TICAM2: variants seen among roughly 807,000 people sequenced by gnomAD.
TICAM2 encodes TIR domain-containing adapter molecule 2.
In TICAM2, 8 loss-of-function variants were observed where a neutral mutation model predicts 7.3. The ratio of observed to expected loss-of-function variants is 1.10; its 90% CI spans 0.65 to 1.99. The LOEUF (loss-of-function observed/expected upper bound fraction) is 1.99. Ranked by LOEUF, TICAM2 falls within the 30% of genes most tolerant of loss-of-function variation. The pLI is 0.00. For synonymous variants in TICAM2, 113 were observed against 99.6 expected (o/e 1.13, Z -0.80); for missense variants, 304 against 278.8 (o/e 1.09, Z -0.65).
chr5:115,579,746 T>G lies in TICAM2; in HGVS notation c.*803A>C, dbSNP rs1357161229. On this transcript the variant is annotated 3_prime_UTR_variant, in exon 2 of 2. Transcript: ENST00000427199. ...GTGACGGAAACTTTTAAAGCTTCCATAAGAGAGGTTTTTGATTTAAAAAGT... is the reference window on the plus strand; with the variant it reads ...GTGACGGAAACTTTTAAAGCTTCCAGAAGAGAGGTTTTTGATTTAAAAAGT... The G allele has an allele frequency of 6.6e-6, 1 of 152,162 alleles. No individual in the cohort carries two copies. Among genetic ancestry groups the G allele is most frequent in the Non-Finnish European group, 1.5e-5 (1 of 68,024 alleles). 9.4% of individuals were successfully genotyped at this position (152,162 alleles called of 1,614,324 possible). A position where few individuals can be genotyped will look rare whatever the true frequency, so the allele number is the denominator to read the frequency against.
chr5:115,598,629 T>A (rs1179930803), intron 1 of TICAM2, among the ~76,000 whole-genome samples: 1 of 152,208 alleles, frequency 6.6e-6, no homozygotes, highest in Admixed American at 6.5e-5. Flanking sequence ...ATAACTTCAC[T>A]CCTAGTTTCT....
At chr5:115,590,596 C>T (rs1240398260) in intron 1 of TICAM2, among the ~76,000 whole-genome samples, 2 of 152,182 alleles carry the variant, frequency 1.3e-5, no homozygotes, top group Non-Finnish European at 2.9e-5. Flanking sequence ...ATTACCCATC[C>T]ATATCCTATC....
At chr5:115,587,248 C>T (rs1403788607) in intron 1 of TICAM2, among the ~76,000 whole-genome samples, 5 of 152,076 alleles carry the variant, frequency 3.3e-5, no homozygotes, top group African/African-American at 1.2e-4. Flanking sequence ...GTGTTAAATG[C>T]GAGTGATCTG....
At chr5:115,597,917 G>A (rs1389722572) in intron 1 of TICAM2, among the ~76,000 whole-genome samples, 1 of 152,088 alleles carries the variant, frequency 6.6e-6, no homozygotes, top group Non-Finnish European at 1.5e-5. Context: ...TGGGCCAAGT[G>A]AATACCAAAA....
intron 1 of TICAM2, among the ~76,000 whole-genome samples, chr5:115,597,474 A>G (rs1755553268): frequency 6.6e-6 from 1 of 152,226 alleles, no homozygotes. Flanking sequence ...TATTCATATG[A>G]TCGAATCCTA....
intron 1 of TICAM2, among the ~76,000 whole-genome samples, chr5:115,599,555 T>C (rs558485074): frequency 1.2e-4 from 19 of 152,340 alleles, no homozygotes; most frequent in South Asian, 4.1e-4. Context: ...ATAAGCTTCA[T>C]GGAATACTAG....
chr5:115,580,416 T>G lies in TICAM2; in HGVS notation c.*133A>C, dbSNP rs1754874191. On this transcript the variant is annotated 3_prime_UTR_variant, in exon 2 of 2. Coordinates refer to ENST00000427199, the MANE Select transcript of TICAM2 (RefSeq NM_021649.7). ...AGGCTGTCCTGCAGAAATTTATCTT[T>G]CTTGTGCTCCATAGGTTTCTTTAAG... The G allele has an allele frequency of 8.5e-7, 1 of 1,171,330 alleles. No homozygotes were observed. The highest frequency in any genetic ancestry group is 3.1e-5 in the East Asian group (1 of 32,696). The allele number at this position is 1,171,330 out of a possible 1,614,324, so 72.6% of individuals were successfully genotyped here.
intron 1 of TICAM2, among the ~76,000 whole-genome samples, chr5:115,591,625 T>C (rs59214011): frequency 0.028 from 4,212 of 151,898 alleles, 72 homozygotes; most frequent in South Asian, 0.038. Context: ...AATATAATAG[T>C]TGAAATTAAG....
rs145323718 is a variant in TICAM2, at chr5:115,591,638, T to C, written c.-59-10323A>G. 5.9e-5 allele frequency among the ~76,000 whole-genome samples: 9 copies of C among 152,098 alleles called. No individual in the cohort carries two copies. The South Asian group carries it at 8.3e-4, about 14-fold the overall frequency. On this transcript the variant is annotated intron_variant, in intron 1 of 1. Transcript: ENST00000427199. Reference sequence around the variant, plus strand: ...AAAATATAATAGTTGAAATTAAGAATTGAATGGATGGATTTATCATTAGAT... The same window carrying C: ...AAAATATAATAGTTGAAATTAAGAACTGAATGGATGGATTTATCATTAGAT...
Position 115,581,092 on chromosome 5 carries a change from T to G in TICAM2, c.165A>C (p.Pro55=). ...VAEHSNTTEG[P]TGKQEGAQSV... ...TCTGAGCTCCCTCCTGCTTTCCTGT[T>G]GGCCCCTCTGTTGTATTGCTGTGCT... The change falls in exon 2 of 2, where the codon CCA becomes CCC. Residue 55 remains proline (P), a synonymous_variant. Coordinates refer to ENST00000427199, the MANE Select transcript of TICAM2 (RefSeq NM_021649.7). 1 of 1,614,168 alleles carries G rather than the reference T, an allele frequency of 6.2e-7. No homozygotes were observed. Among genetic ancestry groups the G allele is most frequent in the Non-Finnish European group, 8.5e-7 (1 of 1,180,036 alleles).
At chr5:115,596,076 G>A (rs1755499196) in intron 1 of TICAM2, among the ~76,000 whole-genome samples, 1 of 151,892 alleles carries the variant, frequency 6.6e-6, no homozygotes, top group African/African-American at 2.4e-5. Context: ...CAAAACCTGG[G>A]GTATCCTTGA....
At chr5:115,594,035 A>G (rs1042629406) in intron 1 of TICAM2, among the ~76,000 whole-genome samples, 4 of 152,214 alleles carry the variant, frequency 2.6e-5, no homozygotes, top group African/African-American at 7.2e-5. Flanking sequence ...TTATTACTAT[A>G]TAAAAACAAT....
chr5:115,595,649 T>C (rs944710409), intron 1 of TICAM2, among the ~76,000 whole-genome samples: 2 of 152,220 alleles, frequency 1.3e-5, no homozygotes, highest in Admixed American at 6.5e-5. Flanking sequence ...AAAAACTCTA[T>C]CTTATTAGAA....
At chr5:115,597,360 T>C (rs888350521) in intron 1 of TICAM2, among the ~76,000 whole-genome samples, 3 of 152,226 alleles carry the variant, frequency 2.0e-5, no homozygotes, top group Non-Finnish European at 2.9e-5. Context: ...TATATTTTAT[T>C]ATCATAAGAG....
intron 1 of TICAM2, among the ~76,000 whole-genome samples, chr5:115,595,733 G>A (rs1355405862): frequency 6.6e-6 from 1 of 152,126 alleles, no homozygotes; most frequent in African/African-American, 2.4e-5. Flanking sequence ...TTACTCTTGA[G>A]AGTTCTAATA....
intron 1 of TICAM2, among the ~76,000 whole-genome samples, chr5:115,584,636 C>T (rs1755040258): frequency 6.6e-6 from 1 of 152,160 alleles, no homozygotes; most frequent in Non-Finnish European, 1.5e-5. Context: ...GATAGAATGA[C>T]ACCCCAACTC....
At chr5:115,588,954 C>T (rs1755208658) in intron 1 of TICAM2, among the ~76,000 whole-genome samples, 1 of 152,130 alleles carries the variant, frequency 6.6e-6, no homozygotes. Flanking sequence ...CTTCAACTTT[C>T]CCAACGATAC....
chr5:115,581,225 C>A lies in TICAM2; in HGVS notation c.32G>T (p.Cys11Phe). 6.2e-7 allele frequency: 1 copy of A among 1,610,556 alleles called. No homozygotes were observed. The change falls in exon 2 of 2, where the codon TGC becomes TTC. Residue 11 changes from cysteine (C) to phenylalanine (F), a missense_variant. By Grantham distance (205) the Cys-to-Phe change is radical (BLOSUM62 -2). Transcript: ENST00000427199. ...TTTACCCCAAGAGAGAGAAAGAGGG[C>A]AGGAATTTATTTTAGACTTCCCGAT... MGIGKSKINS[C>F]PLSLSWGKRH...
intron 1 of TICAM2, among the ~76,000 whole-genome samples, chr5:115,591,558 A>G (rs150069922): frequency 1.4e-3 from 208 of 152,352 alleles, no homozygotes; most frequent in Admixed American, 0.011. Flanking sequence ...ATTTTGTCAG[A>G]TAACTGCAAA....
Sources: allele counts gnomAD v4.1 joint callset (sites outside exome capture counted in the v4.1 genomes callset), GRCh38; gene constraint gnomAD v4.1.1; transcripts MANE v1.5; gene names NCBI Gene and HGNC (gene_info 2026-07-23, HGNC 2026-07-21).